NCOA2: variants seen among roughly 807,000 people sequenced by gnomAD.
NCOA2 encodes the protein class E basic helix-loop-helix protein 75.
Under a neutral mutation model 145.1 loss-of-function variants are expected in NCOA2, and 21 were observed. The observed-to-expected ratio is 0.14, with a 90% CI of 0.10 to 0.21. The LOEUF is 0.21. NCOA2 is among the 10% of genes least tolerant of loss of function. The pLI, the probability that NCOA2 is intolerant of heterozygous loss-of-function variation, is 1.00. For synonymous variants in NCOA2, 619 were observed against 637.5 expected, an observed-to-expected ratio of 0.97 and a Z score of 0.44; for missense variants, 1,472 against 1,837.6, an observed-to-expected ratio of 0.80 and a Z score of 3.64.
At chr8:70,450,139 C>CA in the NCOA2 span, among the ~76,000 whole-genome samples, 1 of 152,208 alleles carries the variant, frequency 6.6e-6, no homozygotes. Flanking sequence ...TAGGAGCATA[C>CA]AAGGGTGCTC....
rs1461189027 is a variant in NCOA2 at position 70,121,404 on chromosome 8, A to C, written c.4294-13T>G. The C allele has an allele frequency of 6.2e-7, 1 of 1,601,500 alleles. No individual in the cohort carries two copies. Among genetic ancestry groups the C allele is most frequent in the Non-Finnish European group, 8.5e-7 (1 of 1,170,846 alleles). On this transcript the variant is annotated splice_polypyrimidine_tract_variant and intron_variant, in intron 21 of 22. Coordinates refer to ENST00000452400, the MANE Select transcript of NCOA2 (RefSeq NM_006540.4). The stretch of plus-strand genomic sequence containing the variant: ...CAGGATCATTAACCTAAGGACAAGA[A>C]GACAGGACAGTGGCTACGCAGAGCA...
At chr8:70,312,724 C>T (rs1466754592) in intron 1 of NCOA2, among the ~76,000 whole-genome samples, 6 of 152,134 alleles carry the variant, frequency 3.9e-5, no homozygotes, top group African/African-American at 7.2e-5. Flanking sequence ...ACATTTAACA[C>T]GACAGTGTCC....
chr8:70,210,281 T>C (rs1818877023), intron 4 of NCOA2, among the ~76,000 whole-genome samples: 1 of 152,204 alleles, frequency 6.6e-6, no homozygotes, highest in African/African-American at 2.4e-5. Flanking sequence ...GTAAGAACTA[T>C]TTAGTCTTAG....
intron 16 of NCOA2, 136 bp downstream of exon 16, chr8:70,131,701 C>A (rs891127192): frequency 9.7e-6 from 9 of 925,078 alleles, no homozygotes; most frequent in Non-Finnish European, 1.3e-5. Context: ...AGAAACAGGG[C>A]CAGCCTGTTT....
intron 2 of NCOA2, among the ~76,000 whole-genome samples, chr8:70,277,120 G>A (rs903871927): frequency 2.0e-5 from 3 of 151,782 alleles, no homozygotes; most frequent in Admixed American, 6.6e-5. Context: ...TTTTTCCCTC[G>A]GGTTCTTCAT....
the NCOA2 span, among the ~76,000 whole-genome samples, chr8:70,438,091 C>T: frequency 6.6e-6 from 1 of 152,166 alleles, no homozygotes; most frequent in African/African-American, 2.4e-5. Context: ...TTACATACTC[C>T]TTCAATGGCC....
chr8:70,202,684 G>A (rs1411461773), intron 4 of NCOA2, among the ~76,000 whole-genome samples: 1 of 152,192 alleles, frequency 6.6e-6, no homozygotes, highest in East Asian at 1.9e-4. Context: ...ATTGTCAGGG[G>A]CAGGGAAACA....
chr8:70,116,044 G>A (rs190524538), intron 22 of NCOA2, among the ~76,000 whole-genome samples: 13 of 152,010 alleles, frequency 8.6e-5, no homozygotes, highest in East Asian at 3.9e-4. Context: ...AAAATTAGCC[G>A]GGCGTGGTGG....
rs1442533017 is a variant in NCOA2 at position 70,376,875 on chromosome 8, GA to G, written c.-77+26824del. ...GGCCGGCGCTAGGTAAGCTGCCTGA[GA>G]AAGTCAATCTCATAGTCACTGATGA... On this transcript the variant is annotated intron_variant, in intron 1 of 22. Transcript: ENST00000452400. Among the ~76,000 whole-genome samples, 8 of 152,296 alleles carry G rather than the reference GA, an allele frequency of 5.3e-5. No individual in the cohort carries two copies. The East Asian group carries it at 1.3e-3, about 26-fold the overall frequency.
chr8:70,297,405 C>G (rs1827171972), intron 1 of NCOA2, among the ~76,000 whole-genome samples: 1 of 152,230 alleles, frequency 6.6e-6, no homozygotes. Flanking sequence ...ACTATCACAG[C>G]TCACTGCAAC....
intron 8 of NCOA2, 127 bp downstream of exon 8, chr8:70,163,338 C>T (rs1458118979): frequency 1.0e-5 from 7 of 673,336 alleles, no homozygotes; most frequent in African/African-American, 1.8e-5. Context: ...AACTCCTTGA[C>T]ATTTCTACTG....
chr8:70,130,931 C>T (rs1385894372), intron 16 of NCOA2, among the ~76,000 whole-genome samples: 1 of 152,208 alleles, frequency 6.6e-6, no homozygotes, highest in Non-Finnish European at 1.5e-5. Context: ...GTGTTTTGTT[C>T]TTTCAAGGGA....
At chr8:70,160,885 T>C (rs2132367825) in intron 9 of NCOA2, among the ~76,000 whole-genome samples, 1 of 152,306 alleles carries the variant, frequency 6.6e-6, no homozygotes, top group South Asian at 2.1e-4. Flanking sequence ...TGTGAGTATC[T>C]TGCTTTGCAC....
At chr8:70,193,808 C>T (rs371503088) in intron 4 of NCOA2, among the ~76,000 whole-genome samples, 13 of 152,284 alleles carry the variant, frequency 8.5e-5, no homozygotes, top group Middle Eastern at 3.4e-3. Context: ...AGAACCACTT[C>T]GGGCCTAAAG....
At chr8:70,190,724 T>C (rs1304401583) in intron 4 of NCOA2, among the ~76,000 whole-genome samples, 1 of 152,024 alleles carries the variant, frequency 6.6e-6, no homozygotes, top group African/African-American at 2.4e-5. Flanking sequence ...GGCGTGGTGG[T>C]AGACGTCTGT....
intron 1 of NCOA2, among the ~76,000 whole-genome samples, chr8:70,297,111 T>TC (rs1827148802): frequency 6.6e-6 from 1 of 152,126 alleles, no homozygotes; most frequent in African/African-American, 2.4e-5. Flanking sequence ...CCACCAGCCT[T>TC]CCCTATGAGA....
intron 2 of NCOA2, among the ~76,000 whole-genome samples, chr8:70,243,192 C>T (rs937039944): frequency 1.3e-5 from 2 of 151,510 alleles, no homozygotes; most frequent in Non-Finnish European, 2.9e-5. Flanking sequence ...AAAAACTACT[C>T]TAGCTGTAGA....
At chr8:70,396,785 T>C (rs1188938294) in intron 1 of NCOA2, among the ~76,000 whole-genome samples, 1 of 152,230 alleles carries the variant, frequency 6.6e-6, no homozygotes, top group Non-Finnish European at 1.5e-5. Context: ...TATTCAAATC[T>C]ATTCATCCTT....
intron 10 of NCOA2, among the ~76,000 whole-genome samples, chr8:70,158,863 C>G (rs1812568572): frequency 6.6e-6 from 1 of 152,126 alleles, no homozygotes; most frequent in African/African-American, 2.4e-5. Flanking sequence ...GCATTTGTTG[C>G]TACTGGGAGC....
Sources: gnomAD v4.1 joint callset for allele counts (sites outside exome capture counted in the v4.1 genomes callset) on GRCh38, gnomAD v4.1.1 for gene constraint, MANE v1.5 for transcripts, NCBI Gene and HGNC (gene_info 2026-07-23, HGNC 2026-07-21) for gene names.